BLVRB: variants seen among roughly 807,000 people sequenced by gnomAD.
BLVRB encodes the protein flavin reductase (NADPH).
BLVRB carries 25 observed loss-of-function variants against 21.1 expected under a neutral mutation model. The observed-to-expected ratio is 1.19, with a 90% CI of 0.86 to 1.66. BLVRB has a LOEUF of 1.66. Among genes scored for constraint, BLVRB ranks in the 40% most tolerant of loss-of-function variants. BLVRB has a pLI of 0.00. For missense variants in BLVRB, 274 were observed against 282.7 expected, an observed-to-expected ratio of 0.97 and a Z score of 0.22; for synonymous variants, 128 against 122.2, an observed-to-expected ratio of 1.05 and a Z score of -0.31.
intron 1 of BLVRB, among the ~76,000 whole-genome samples, chr19:40,461,480 C>T (rs1011848816): frequency 6.6e-6 from 1 of 151,266 alleles, no homozygotes; most frequent in Non-Finnish European, 1.5e-5. Flanking sequence ...AAGCCTCTGC[C>T]CTCTTCACCC....
At chr19:40,462,279 C>CCTTTTTT (rs1568741061) in intron 1 of BLVRB, among the ~76,000 whole-genome samples, 1 of 129,634 alleles carries the variant, frequency 7.7e-6, no homozygotes. Flanking sequence ...TATGGGCATT[C>CCTTTTTT]TTTTTTTTTT....
chr19:40,449,412 ATT>A (rs1376854144), intron 4 of BLVRB, among the ~76,000 whole-genome samples: 1 of 151,822 alleles, frequency 6.6e-6, no homozygotes, highest in Non-Finnish European at 1.5e-5. Flanking sequence ...CACCTGGCTA[ATT>A]TTTGTATTTT....
chr19:40,458,677 A>C (rs1046341163), intron 1 of BLVRB, 132 bp from the exon 2 acceptor site: 28 of 1,252,066 alleles, frequency 2.2e-5, no homozygotes, highest in Non-Finnish European at 2.9e-5. Flanking sequence ...GTCTTCAAAC[A>C]TTTTTGGTTT....
intron 3 of BLVRB, among the ~76,000 whole-genome samples, chr19:40,452,773 G>T (rs1454019109): frequency 6.6e-6 from 1 of 152,088 alleles, no homozygotes; most frequent in Non-Finnish European, 1.5e-5. Flanking sequence ...GCTGAAGCTG[G>T]AGAATTGCTG....
intron 1 of BLVRB, among the ~76,000 whole-genome samples, chr19:40,463,550 C>T (rs1486750811): frequency 1.4e-5 from 2 of 144,700 alleles, no homozygotes; most frequent in Non-Finnish European, 3.1e-5. Context: ...TCCCTCCCTC[C>T]CTCCTTCCCT....
Position 40,448,034 on chromosome 19 carries a change from A to T in BLVRB, c.476T>A (p.Leu159Gln). Reference sequence around the variant, plus strand: ...CAGGGTCACTGTGTACGCCCCAGTTAGTGGCTGGTCTCCTATGAAGTAAAG... The same window carrying T: ...CAGGGTCACTGTGTACGCCCCAGTTTGTGGCTGGTCTCCTATGAAGTAAAG... Reference protein sequence around the residue: ...VMPPHIGDQPLTGAYTVTLDG... With the variant: ...VMPPHIGDQPQTGAYTVTLDG... The change falls in exon 5 of 5, where the codon CTA becomes CAA. Residue 159 changes from leucine (L) to glutamine (Q), a missense_variant. Physicochemically the swap from Leu to Gln is moderately radical, Grantham distance 113. Transcript: ENST00000263368. 2 of 1,613,140 alleles carry T rather than the reference A, an allele frequency of 1.2e-6. No individual in the cohort carries two copies. Among genetic ancestry groups the T allele is most frequent in the Non-Finnish European group, 1.7e-6 (2 of 1,179,268 alleles).
intron 1 of BLVRB, among the ~76,000 whole-genome samples, chr19:40,463,566 C>T (rs1172756406): frequency 7.5e-6 from 1 of 133,172 alleles, no homozygotes; most frequent in Non-Finnish European, 1.6e-5. Context: ...TCCCTCCCTT[C>T]TTTCCTTCCC....
intron 4 of BLVRB, among the ~76,000 whole-genome samples, chr19:40,449,658 T>C (rs2079730280): frequency 6.6e-6 from 1 of 152,214 alleles, no homozygotes; most frequent in Non-Finnish European, 1.5e-5. Context: ...TTTTAGGAGA[T>C]GGCTGTCTAG....
chr19:40,448,778 T>C (rs528036599), intron 4 of BLVRB, among the ~76,000 whole-genome samples: 3 of 149,106 alleles, frequency 2.0e-5, no homozygotes, highest in Admixed American at 6.7e-5. Context: ...GTGTGTTTGC[T>C]TGGGACAAAG....
chr19:40,454,744 ACTGTGTT>A, intron 3 of BLVRB, among the ~76,000 whole-genome samples: 1 of 151,696 alleles, frequency 6.6e-6, no homozygotes, highest in Non-Finnish European at 1.5e-5. Flanking sequence ...ACGGTGTTTC[ACTGTGTT>A]AGCCAGGATG....
intron 3 of BLVRB, among the ~76,000 whole-genome samples, chr19:40,452,896 A>AAC (rs1395841780): frequency 3.3e-4 from 14 of 42,184 alleles, no homozygotes; most frequent in African/African-American, 2.4e-3. Context: ...AAAACAAAAC[A>AAC]AAAAAAACAC....
At chr19:40,448,744 A>G (rs2079726263) in intron 4 of BLVRB, among the ~76,000 whole-genome samples, 1 of 151,370 alleles carries the variant, frequency 6.6e-6, no homozygotes, top group South Asian at 2.1e-4. Flanking sequence ...AATTATGCAC[A>G]GTATGGAACA....
At chr19:40,457,050 C>T (rs897315687) in intron 3 of BLVRB, among the ~76,000 whole-genome samples, 2 of 151,794 alleles carry the variant, frequency 1.3e-5, no homozygotes, top group Non-Finnish European at 2.9e-5. Flanking sequence ...TGGTGCATGC[C>T]TGTAGTCCCA....
intron 1 of BLVRB, among the ~76,000 whole-genome samples, chr19:40,460,053 C>G (rs1332338201): frequency 1.3e-5 from 2 of 152,002 alleles, no homozygotes; most frequent in African/African-American, 4.8e-5. Context: ...GAAGCCCAGC[C>G]CTCCTTTAGT....
intron 1 of BLVRB, among the ~76,000 whole-genome samples, chr19:40,460,616 T>A (rs974805595): frequency 2.1e-4 from 32 of 149,018 alleles, no homozygotes; most frequent in African/African-American, 7.6e-4. Flanking sequence ...AATAAATAAA[T>A]TAAATTAAAT....
intron 1 of BLVRB, among the ~76,000 whole-genome samples, chr19:40,459,564 C>T (rs2079777902): frequency 6.6e-6 from 1 of 151,454 alleles, no homozygotes. Context: ...TGCCACCACA[C>T]CTGGCTATCA....
At chr19:40,448,110 C>T (rs1280429195) in intron 4 of BLVRB, 64 bp from the exon 5 acceptor site, 3 of 1,549,872 alleles carry the variant, frequency 1.9e-6, no homozygotes, top group Admixed American at 3.6e-5. Context: ...CAAAATTCGA[C>T]CCCCAGAAAG....
chr19:40,451,478 C>T lies in BLVRB; in HGVS notation c.349G>A (p.Asp117Asn), dbSNP rs1198196132. ...VACTSAFLLWDPTKVPPRLQA... is the reference protein window; with the variant it reads ...VACTSAFLLWNPTKVPPRLQA... ...AGTCGTGGGGGCACCTTGGTAGGGT[C>T]CCAGAGCAGGAAAGCTGGAGGGAAC... The change falls in exon 4 of 5, where the codon GAC (aspartate) becomes AAC (asparagine). Residue 117 changes from aspartate to asparagine, a missense_variant. Physicochemically the swap from Asp to Asn is conservative, Grantham distance 23. Transcript: ENST00000263368. 6.2e-7 allele frequency: 1 copy of T among 1,611,508 alleles called. No individual in the cohort carries two copies. Among genetic ancestry groups the T allele is most frequent in the African/African-American group, 1.3e-5 (1 of 74,752 alleles).
chr19:40,458,926 C>T (rs1441016071), intron 1 of BLVRB, among the ~76,000 whole-genome samples: 1 of 151,856 alleles, frequency 6.6e-6, no homozygotes, highest in African/African-American at 2.4e-5. Context: ...CTCCTGGGCT[C>T]AGGTGATCTG....
Sources: gnomAD v4.1 joint callset for allele counts (sites outside exome capture counted in the v4.1 genomes callset) on GRCh38, gnomAD v4.1.1 for gene constraint, MANE v1.5 for transcripts, NCBI Gene and HGNC (gene_info 2026-07-23, HGNC 2026-07-21) for gene names.